The following ALX4 variants were observed in gnomAD, a reference collection of about 807,000 sequenced individuals.
ALX4 encodes the protein homeobox protein aristaless-like 4.
In ALX4, 22 loss-of-function variants were observed where a neutral mutation model predicts 40.6. The observed-to-expected ratio is 0.54, with a 90% CI of 0.39 to 0.77. The LOEUF is 0.77. ALX4 is among the 30% of genes least tolerant of loss of function. ALX4 has a pLI of 0.00. For missense variants in ALX4, 556 were observed against 564.8 expected, an observed-to-expected ratio of 0.98 and a Z score of 0.16; for synonymous variants, 266 against 240.5, an observed-to-expected ratio of 1.11 and a Z score of -0.98.
chr11:44,302,269 C>T (rs1956439070), intron 1 of ALX4, among the ~76,000 whole-genome samples: 1 of 152,146 alleles, frequency 6.6e-6, no homozygotes, highest in East Asian at 1.9e-4. Context: ...CCGGACTACA[C>T]ACAAACCCTC....
chr11:44,267,848 C>T (rs1003199537), intron 2 of ALX4, among the ~76,000 whole-genome samples: 1 of 152,202 alleles, frequency 6.6e-6, no homozygotes, highest in African/African-American at 2.4e-5. Context: ...TAGCCATGGG[C>T]GTGATCCTGA....
chr11:44,275,013 C>T lies in ALX4; in HGVS notation c.777+335G>A, dbSNP rs534556649. Among the ~76,000 whole-genome samples, 14 of 152,262 alleles carry T rather than the reference C, an allele frequency of 9.2e-5. No homozygotes were observed. In the East Asian group the frequency reaches 2.5e-3, roughly 27 times the overall value. On this transcript the variant is annotated intron_variant, in intron 2 of 3. Coordinates refer to ENST00000652299, the MANE Select transcript of ALX4 (RefSeq NM_021926.4). ...CCTTCTAGAGCAGGGACAAGTAACC[C>T]TTCTCTGTGTGAAAGAGCCAGGACT...
At chr11:44,292,377 A>AATTTTTTTT (rs1565007139) in intron 1 of ALX4, among the ~76,000 whole-genome samples, 3 of 93,112 alleles carry the variant, frequency 3.2e-5, no homozygotes, top group Non-Finnish European at 4.2e-5. Context: ...GGCTAATTAA[A>AATTTTTTTT]TTTTTTTTTT....
chr11:44,306,401 T>G (rs1956468741), intron 1 of ALX4, among the ~76,000 whole-genome samples: 1 of 152,238 alleles, frequency 6.6e-6, no homozygotes, highest in Admixed American at 6.5e-5. Flanking sequence ...CAGGCTCAGC[T>G]GCCCGGGGCA....
chr11:44,303,318 A>G (rs557862609), intron 1 of ALX4, among the ~76,000 whole-genome samples: 7 of 152,246 alleles, frequency 4.6e-5, no homozygotes, highest in South Asian at 4.2e-4. Flanking sequence ...TCTGCCCCCA[A>G]TGTGCAGCGG....
At chr11:44,305,668 G>T (rs1433713505) in intron 1 of ALX4, among the ~76,000 whole-genome samples, 1 of 152,354 alleles carries the variant, frequency 6.6e-6, no homozygotes, top group East Asian at 1.9e-4. Flanking sequence ...ATACCCTCTG[G>T]TATTTAACCA....
intron 1 of ALX4, among the ~76,000 whole-genome samples, chr11:44,304,027 C>T (rs1310655664): frequency 6.6e-6 from 1 of 152,230 alleles, no homozygotes; most frequent in Non-Finnish European, 1.5e-5. Context: ...GGCTCACTGG[C>T]TGGAAAGAGG....
At chr11:44,273,687 C>T (rs1044302867) in intron 2 of ALX4, among the ~76,000 whole-genome samples, 5 of 152,160 alleles carry the variant, frequency 3.3e-5, no homozygotes, top group Non-Finnish European at 7.4e-5. Flanking sequence ...CACAGTGTCT[C>T]ATGCCTATAA....
chr11:44,283,364 T>C (rs1956320868), intron 1 of ALX4, among the ~76,000 whole-genome samples: 1 of 152,184 alleles, frequency 6.6e-6, no homozygotes, highest in African/African-American at 2.4e-5. Flanking sequence ...TAAAAGTTTA[T>C]ATGCCTTCAC....
At chr11:44,269,763 C>A (rs1157531835) in intron 2 of ALX4, among the ~76,000 whole-genome samples, 1 of 152,224 alleles carries the variant, frequency 6.6e-6, no homozygotes, top group African/African-American at 2.4e-5. Context: ...CCCTCTTTAT[C>A]AGTGGCCTGG....
chr11:44,308,049 G>A (rs1956479860), intron 1 of ALX4, among the ~76,000 whole-genome samples: 1 of 152,188 alleles, frequency 6.6e-6, no homozygotes. Flanking sequence ...TGAAGAGGAA[G>A]GTGGAGGAAG....
chr11:44,300,099 A>T (rs917440483), intron 1 of ALX4, among the ~76,000 whole-genome samples: 4 of 152,170 alleles, frequency 2.6e-5, no homozygotes, highest in African/African-American at 9.7e-5. Flanking sequence ...CAGGCCTGGC[A>T]TCCCAGACTC....
intron 1 of ALX4, among the ~76,000 whole-genome samples, chr11:44,303,008 T>C (rs541095031): frequency 3.4e-4 from 51 of 151,858 alleles, no homozygotes; most frequent in Admixed American, 6.6e-4. Context: ...CATGGAGGAG[T>C]AGAGAATGCA....
intron 3 of ALX4, 22 bp downstream of exon 3, chr11:44,267,472 G>T (rs764143920): frequency 6.2e-7 from 1 of 1,612,786 alleles, no homozygotes; most frequent in Admixed American, 1.7e-5. Flanking sequence ...GATCGGTGGC[G>T]GCAGCTCAGG....
intron 3 of ALX4, among the ~76,000 whole-genome samples, chr11:44,266,950 T>C (rs529820302): frequency 1.3e-5 from 2 of 152,288 alleles, no homozygotes; most frequent in African/African-American, 4.8e-5. Flanking sequence ...ATTTAGACCT[T>C]ACAACTGCCT....
At chr11:44,270,914 T>C (rs1296440031) in intron 2 of ALX4, among the ~76,000 whole-genome samples, 1 of 152,176 alleles carries the variant, frequency 6.6e-6, no homozygotes, top group East Asian at 1.9e-4. Context: ...GCCTCTGTCT[T>C]ATTGTCTTCA....
intron 2 of ALX4, among the ~76,000 whole-genome samples, chr11:44,268,580 G>C (rs1419233941): frequency 6.6e-6 from 1 of 152,258 alleles, no homozygotes; most frequent in South Asian, 2.1e-4. Context: ...TTTTGGTGAC[G>C]GGGAGTATTG....
At chr11:44,294,586 C>A (rs573229130) in intron 1 of ALX4, among the ~76,000 whole-genome samples, 45 of 152,248 alleles carry the variant, frequency 3.0e-4, no homozygotes, top group Non-Finnish European at 4.7e-4. Flanking sequence ...GTAGAGATGG[C>A]AGCCCCCGCC....
Position 44,292,377 on chromosome 11 carries a change from A to ATTT in ALX4, c.467-16722_467-16720dup, listed in dbSNP as rs67510206. Among the ~76,000 whole-genome samples the ATTT allele has an allele frequency of 5.4e-5, 5 of 93,116 alleles. No homozygotes were observed. The East Asian group carries it at 1.1e-3, about 20-fold the overall frequency. 61.1% of individuals were successfully genotyped at this position (93,116 alleles called of 152,430 possible). ...CACAACATCACAGCTGGCTAATTAA[A>ATTT]TTTTTTTTTTTTTTTTTTTTTTTGT... On this transcript the variant is annotated intron_variant, in intron 1 of 3. Transcript: ENST00000652299.
Sources: allele counts gnomAD v4.1 joint callset (sites outside exome capture counted in the v4.1 genomes callset), GRCh38; gene constraint gnomAD v4.1.1; transcripts MANE v1.5; gene names NCBI Gene and HGNC (gene_info 2026-07-23, HGNC 2026-07-21).